Variants in ERBB4 observed in about 807,000 individuals in gnomAD.
ERBB4 encodes the protein receptor tyrosine-protein kinase erbB-4.
In ERBB4, 42 loss-of-function variants were observed where a neutral mutation model predicts 158.0. The observed-to-expected ratio is 0.27, with a 90% CI of 0.21 to 0.34. The LOEUF (loss-of-function observed/expected upper bound fraction) is 0.34. Ranked by LOEUF, ERBB4 falls within the 10% of genes least tolerant of loss-of-function variation. The pLI is 1.00. For missense variants in ERBB4, 1,333 were observed against 1,624.1 expected (o/e 0.82, Z 3.08); for synonymous variants, 583 against 558.7 (o/e 1.04, Z -0.61).
intron 20 of ERBB4, among the ~76,000 whole-genome samples, chr2:211,459,274 G>A (rs2064466331): frequency 1.3e-5 from 2 of 152,174 alleles, no homozygotes; most frequent in African/African-American, 4.8e-5. Flanking sequence ...CTAGAAAAAT[G>A]CAATGTGGTC....
intron 2 of ERBB4, among the ~76,000 whole-genome samples, chr2:212,028,879 G>C (rs1055063212): frequency 4.6e-5 from 7 of 151,996 alleles, no homozygotes; most frequent in Non-Finnish European, 1.0e-4. Flanking sequence ...GGCAGGAGAG[G>C]GACATTCTAG....
At chr2:212,359,969 T>G (rs1397253734) in intron 1 of ERBB4, among the ~76,000 whole-genome samples, 1 of 151,746 alleles carries the variant, frequency 6.6e-6, no homozygotes, top group Non-Finnish European at 1.5e-5. Context: ...AAAGAGAAAT[T>G]TGCATCTTTG....
At chr2:211,916,474 C>T (rs1420251775) in intron 3 of ERBB4, among the ~76,000 whole-genome samples, 1 of 152,146 alleles carries the variant, frequency 6.6e-6, no homozygotes, top group Non-Finnish European at 1.5e-5. Flanking sequence ...GCCACTGAAC[C>T]ATTTCTAAGT....
At chr2:211,855,915 A>C (rs958275553) in intron 3 of ERBB4, among the ~76,000 whole-genome samples, 7 of 152,330 alleles carry the variant, frequency 4.6e-5, no homozygotes, top group Admixed American at 1.3e-4. Flanking sequence ...TATGTAGAAA[A>C]ATAAAAAAGA....
chr2:211,998,072 T>C (rs1484323899), intron 2 of ERBB4, among the ~76,000 whole-genome samples: 2 of 151,940 alleles, frequency 1.3e-5, no homozygotes, highest in East Asian at 1.9e-4. Context: ...TTAGGAGATA[T>C]ACCTAACGTT....
chr2:212,012,358 T>G (rs1212264491), intron 2 of ERBB4, among the ~76,000 whole-genome samples: 2 of 151,946 alleles, frequency 1.3e-5, no homozygotes, highest in Non-Finnish European at 2.9e-5. Context: ...GGGTGCCAAA[T>G]GGTACTGGGC....
At chr2:212,140,474 CTA>C (rs1440922132) in intron 1 of ERBB4, among the ~76,000 whole-genome samples, 1 of 145,830 alleles carries the variant, frequency 6.9e-6, no homozygotes, top group African/African-American at 2.5e-5. Flanking sequence ...TAAATTTATA[CTA>C]GTTTTAAGTA....
chr2:212,042,346 G>A (rs991608031), intron 2 of ERBB4, among the ~76,000 whole-genome samples: 6 of 151,820 alleles, frequency 4.0e-5, no homozygotes. Context: ...AAATTGTTTA[G>A]ACTATATTAG....
intron 16 of ERBB4, among the ~76,000 whole-genome samples, chr2:211,643,269 C>T (rs1265642619): frequency 2.0e-5 from 3 of 152,128 alleles, no homozygotes; most frequent in Admixed American, 1.3e-4. Flanking sequence ...CTGATGAAGC[C>T]TATCCCTCTA....
chr2:211,642,992 G>C (rs2070653855), intron 16 of ERBB4, among the ~76,000 whole-genome samples: 1 of 152,058 alleles, frequency 6.6e-6, no homozygotes, highest in Non-Finnish European at 1.5e-5. Context: ...TAAAAGCAGT[G>C]AAACTAATCC....
intron 3 of ERBB4, among the ~76,000 whole-genome samples, chr2:211,817,793 A>C (rs941429901): frequency 6.6e-5 from 10 of 152,144 alleles, no homozygotes; most frequent in African/African-American, 9.7e-5. Context: ...CTGTTCCTCA[A>C]GGCCACATGA....
At chr2:211,732,979 A>G (rs2074476800) in intron 5 of ERBB4, among the ~76,000 whole-genome samples, 1 of 152,164 alleles carries the variant, frequency 6.6e-6, no homozygotes, top group South Asian at 2.1e-4. Flanking sequence ...TCCGTCTCAA[A>G]AAACAAAAAA....
intron 12 of ERBB4, among the ~76,000 whole-genome samples, chr2:211,687,091 C>G (rs573754867): frequency 6.6e-6 from 1 of 150,448 alleles, no homozygotes; most frequent in Non-Finnish European, 1.5e-5. Context: ...GTCAGGAGAT[C>G]GAGACCATCC....
At chr2:211,385,771 G>A (rs1170138898) in intron 27 of ERBB4, among the ~76,000 whole-genome samples, 1 of 152,056 alleles carries the variant, frequency 6.6e-6, no homozygotes, top group Non-Finnish European at 1.5e-5. Flanking sequence ...TTGTCCTCAT[G>A]CAAACTTATA....
At chr2:212,194,208 G>C (rs2082355792) in intron 1 of ERBB4, among the ~76,000 whole-genome samples, 1 of 151,778 alleles carries the variant, frequency 6.6e-6, no homozygotes, top group East Asian at 1.9e-4. Flanking sequence ...CAAAGGTAGA[G>C]AAAGAGAGAT....
At chr2:211,475,830 A>G (rs531905563) in intron 20 of ERBB4, among the ~76,000 whole-genome samples, 12 of 152,142 alleles carry the variant, frequency 7.9e-5, no homozygotes, top group Non-Finnish European at 1.8e-4. Flanking sequence ...CCAAACAATA[A>G]AAGTAATAAA....
intron 1 of ERBB4, among the ~76,000 whole-genome samples, chr2:212,407,182 C>T (rs114508618): frequency 0.012 from 1,779 of 151,112 alleles, 36 homozygotes; most frequent in African/African-American, 0.041. Flanking sequence ...TGATATAACA[C>T]ATATAAATAC....
At chr2:212,273,457 A>G (rs2085414049) in intron 1 of ERBB4, among the ~76,000 whole-genome samples, 1 of 151,842 alleles carries the variant, frequency 6.6e-6, no homozygotes, top group Non-Finnish European at 1.5e-5. Flanking sequence ...AAAAGTCCAG[A>G]TAGAAATAGC....
chr2:212,146,493 C>T (rs1050168118), intron 1 of ERBB4, among the ~76,000 whole-genome samples: 5 of 152,126 alleles, frequency 3.3e-5, no homozygotes, highest in African/African-American at 4.8e-5. Flanking sequence ...TGCACTATTT[C>T]TTCTCCTTCT....
Sources: allele counts gnomAD v4.1 joint callset (sites outside exome capture counted in the v4.1 genomes callset), GRCh38; gene constraint gnomAD v4.1.1; transcripts MANE v1.5; gene names NCBI Gene and HGNC (gene_info 2026-07-23, HGNC 2026-07-21).